The following SLF1 variants were observed in gnomAD, a reference collection of about 807,000 sequenced individuals.
The protein encoded by SLF1 is SMC5-SMC6 complex localization factor protein 1.
Under a neutral mutation model 123.0 loss-of-function variants are expected in SLF1, and 105 were observed. The ratio of observed to expected loss-of-function variants is 0.85; its 90% confidence interval spans 0.73 to 1.00. The LOEUF (loss-of-function observed/expected upper bound fraction) is 1.00. Among genes scored for constraint, SLF1 ranks in the 50% least tolerant of loss-of-function variants. The pLI is 0.00. For missense variants in SLF1, 1,239 were observed against 1,223.0 expected, an observed-to-expected ratio of 1.01 and a Z score of -0.20; for synonymous variants, 434 against 406.6, an observed-to-expected ratio of 1.07 and a Z score of -0.81.
intron 4 of SLF1, among the ~76,000 whole-genome samples, chr5:94,634,853 G>A (rs931110096): frequency 3.9e-5 from 6 of 152,146 alleles, no homozygotes; most frequent in African/African-American, 1.4e-4. Context: ...ATCTTGTTAT[G>A]AGAAGTGTCT....
At chr5:94,673,490 C>T (rs750293159) in intron 14 of SLF1, among the ~76,000 whole-genome samples, 3 of 151,918 alleles carry the variant, frequency 2.0e-5, no homozygotes, top group Non-Finnish European at 4.4e-5. Flanking sequence ...GTCTGAGCAA[C>T]ATAGTGAGAC....
At position 94,655,466 on chromosome 5, in the gene SLF1, G is replaced by GT. The variant is rs1463678371; in HGVS notation, c.1155+719dup. Among the ~76,000 whole-genome samples the GT allele has an allele frequency of 2.6e-5, 4 of 152,172 alleles. No homozygotes were observed. The East Asian group carries it at 5.8e-4, about 22-fold the overall frequency. On this transcript the variant is annotated intron_variant, in intron 9 of 20. Coordinates refer to ENST00000265140, the MANE Select transcript of SLF1 (RefSeq NM_032290.4). The stretch of plus-strand genomic sequence containing the variant: ...GCAGTTGTTTACAAATTTTAGGATT[G>GT]TTTTTCCTGTTTCACAGAAGAATGT...
chr5:94,669,496 GA>G (rs1750193387), intron 12 of SLF1, among the ~76,000 whole-genome samples: 1 of 151,932 alleles, frequency 6.6e-6, no homozygotes, highest in Non-Finnish European at 1.5e-5. Context: ...ATATATTATA[GA>G]AGTGTGCTGT....
In SLF1 at chr5:94,695,004, T is replaced by C; in HGVS notation, c.2869T>C (p.Phe957Leu). ...TTACCAGCAACTTGAATTTGGCTCC[T>C]TTTTACTTAGTAGGATGTTGCTAAA... Reference protein sequence around the residue: ...FHYQQLEFGSFLLSRMLLNFC... With the variant: ...FHYQQLEFGSLLLSRMLLNFC... Residue 957 changes from phenylalanine to leucine, a missense_variant, in exon 21 of 21, where the codon TTT becomes CTT. Coordinates refer to ENST00000265140, the MANE Select transcript of SLF1 (RefSeq NM_032290.4). 1 of 1,612,528 alleles carries C rather than the reference T, an allele frequency of 6.2e-7. No homozygotes were observed. Among genetic ancestry groups the C allele is most frequent in the Non-Finnish European group, 8.5e-7 (1 of 1,179,128 alleles).
intron 15 of SLF1, among the ~76,000 whole-genome samples, chr5:94,685,058 G>A (rs887531136): frequency 4.6e-5 from 7 of 152,166 alleles, no homozygotes; most frequent in East Asian, 1.9e-4. Flanking sequence ...TTACCTGAGA[G>A]CAAATCCTCT....
chr5:94,639,722 ATATATT>A (rs1198876511), intron 4 of SLF1, among the ~76,000 whole-genome samples: 3 of 152,214 alleles, frequency 2.0e-5, no homozygotes, highest in African/African-American at 7.2e-5. Context: ...ATAAGAGAAA[ATATATT>A]TACTATTCAT....
At chr5:94,686,516 G>T (rs1752447730) in intron 15 of SLF1, 57 bp from the exon 16 acceptor site, 7 of 1,566,756 alleles carry the variant, frequency 4.5e-6, no homozygotes, top group Non-Finnish European at 6.1e-6. Flanking sequence ...AATAGCCTAT[G>T]GAAAAAATTG....
chr5:94,636,927 C>T (rs1377327745), intron 4 of SLF1, among the ~76,000 whole-genome samples: 1 of 151,858 alleles, frequency 6.6e-6, no homozygotes, highest in African/African-American at 2.4e-5. Context: ...GCCATGTTGG[C>T]CAGGTTGGTT....
At chr5:94,643,803 C>A (rs1746708679) in intron 5 of SLF1, among the ~76,000 whole-genome samples, 2 of 152,122 alleles carry the variant, frequency 1.3e-5, no homozygotes, top group African/African-American at 2.4e-5. Flanking sequence ...CCTACATCCT[C>A]CTCCTTACTT....
At chr5:94,644,709 C>G (rs1165299705) in intron 5 of SLF1, among the ~76,000 whole-genome samples, 2 of 152,148 alleles carry the variant, frequency 1.3e-5, no homozygotes, top group Non-Finnish European at 2.9e-5. Context: ...CTCCTTGATC[C>G]CCTTACTCAG....
Position 94,695,934 on chromosome 5 carries a change from T to C in SLF1, c.*622T>C, listed in dbSNP as rs558033629. The C allele has an allele frequency of 6.6e-6, 1 of 152,030 alleles. No individual in the cohort carries two copies. The highest frequency in any genetic ancestry group is 2.1e-4 in the South Asian group (1 of 4,828). 9.4% of individuals were successfully genotyped at this position (152,030 alleles called of 1,614,324 possible). ...AGAGTCTGACAGTTCAATTCCTTGATCTGTTTTATTTTAGCAATTCATATA... is the reference window on the plus strand; with the variant it reads ...AGAGTCTGACAGTTCAATTCCTTGACCTGTTTTATTTTAGCAATTCATATA... On this transcript the variant is annotated 3_prime_UTR_variant, in exon 21 of 21. Coordinates refer to ENST00000265140, the MANE Select transcript of SLF1 (RefSeq NM_032290.4).
chr5:94,633,278 C>T (rs547640121), intron 4 of SLF1, among the ~76,000 whole-genome samples: 2 of 152,172 alleles, frequency 1.3e-5, no homozygotes, highest in East Asian at 3.9e-4. Flanking sequence ...TGAACCACTG[C>T]GACCGGCCAC....
At chr5:94,682,868 A>C (rs190993045) in intron 15 of SLF1, among the ~76,000 whole-genome samples, 1 of 152,276 alleles carries the variant, frequency 6.6e-6, no homozygotes, top group Admixed American at 6.5e-5. Context: ...AGTACCAGAC[A>C]GTAAATATTA....
rs2152501402 is a variant in SLF1 at position 94,696,868 on chromosome 5, A to T, written c.*1556A>T. 6.6e-6 allele frequency: 1 copy of T among 151,990 alleles called. No homozygotes were observed. The highest frequency in any genetic ancestry group is 2.1e-4 in the South Asian group (1 of 4,826). 9.4% of individuals were successfully genotyped at this position (151,990 alleles called of 1,614,324 possible). On this transcript the variant is annotated 3_prime_UTR_variant, in exon 21 of 21. Coordinates refer to ENST00000265140, the MANE Select transcript of SLF1 (RefSeq NM_032290.4). ...TTTGTCATGATAGAATTGTTAGCAT[A>T]TCACATCATATGACACTTAATAAAT...
At chr5:94,633,829 C>A (rs1230485036) in intron 4 of SLF1, among the ~76,000 whole-genome samples, 1 of 152,092 alleles carries the variant, frequency 6.6e-6, no homozygotes, top group African/African-American at 2.4e-5. Flanking sequence ...TTTGTCATTT[C>A]ATTGATTTCT....
chr5:94,655,201 C>T (rs1244708037), intron 9 of SLF1, among the ~76,000 whole-genome samples: 4 of 152,146 alleles, frequency 2.6e-5, no homozygotes, highest in African/African-American at 9.6e-5. Context: ...GTCCTTTCCC[C>T]CGTGAGTGTT....
intron 15 of SLF1, among the ~76,000 whole-genome samples, chr5:94,686,174 T>C (rs548807449): frequency 6.6e-6 from 1 of 152,336 alleles, no homozygotes; most frequent in South Asian, 2.1e-4. Context: ...AATACTTGTA[T>C]GTTCATTTAA....
chr5:94,672,651 C>T (rs1273151019), intron 14 of SLF1, among the ~76,000 whole-genome samples: 1 of 151,600 alleles, frequency 6.6e-6, no homozygotes, highest in African/African-American at 2.4e-5. Flanking sequence ...TGTGTTTTTT[C>T]CAGTTAAAAG....
intron 18 of SLF1, among the ~76,000 whole-genome samples, chr5:94,690,738 T>TTAAA (rs2152498991): frequency 6.6e-6 from 1 of 151,704 alleles, no homozygotes; most frequent in African/African-American, 2.4e-5. Flanking sequence ...TATAGTAATT[T>TTAAA]TTTTAAAATT....
Sources: gnomAD v4.1 joint callset for allele counts (sites outside exome capture counted in the v4.1 genomes callset) on GRCh38, gnomAD v4.1.1 for gene constraint, MANE v1.5 for transcripts, NCBI Gene and HGNC (gene_info 2026-07-23, HGNC 2026-07-21) for gene names.